PIP5K1A: variants seen among roughly 807,000 people sequenced by gnomAD.
The protein encoded by PIP5K1A is phosphatidylinositol-4-phosphate 5-kinase type 1 alpha, also known as phosphatidylinositol 4-phosphate 5-kinase type-1 alpha.
In PIP5K1A, 46 loss-of-function variants were observed where a neutral mutation model predicts 72.9. The observed-to-expected ratio is 0.63, with a 90% CI of 0.50 to 0.81. The LOEUF is 0.81. Ranked by LOEUF, PIP5K1A falls within the 30% of genes least tolerant of loss-of-function variation. The probability of loss-of-function intolerance (pLI) is 0.00; values close to 1 mark genes in which losing one functional copy is unlikely to be tolerated. For missense variants in PIP5K1A, 458 were observed against 706.1 expected (o/e 0.65, Z 3.98); for synonymous variants, 228 against 255.1 (o/e 0.89, Z 1.01).
chr1:151,232,518 C>T, intron 6 of PIP5K1A, 33 bp from the exon 7 acceptor site: 1 of 1,588,928 alleles, frequency 6.3e-7, no homozygotes, highest in Non-Finnish European at 8.6e-7. Context: ...CCTGATGTGT[C>T]TAAATCTCTT....
At position 151,236,546 on chromosome 1, in the gene PIP5K1A, T is replaced by C. The variant is rs1570969187; in HGVS notation, c.940-12T>C. On this transcript the variant is annotated splice_polypyrimidine_tract_variant and intron_variant, in intron 8 of 15. Coordinates refer to ENST00000368888, the MANE Select transcript of PIP5K1A (RefSeq NM_001135638.2). ...TTCCAAGGCTCAGATCATGTTTTTT[T>C]CCTTCCATTAGGTGCTGCAGAGCTT... 6.5e-7 allele frequency: 1 copy of C among 1,544,792 alleles called. No individual in the cohort carries two copies. Among genetic ancestry groups the C allele is most frequent in the Non-Finnish European group, 8.9e-7 (1 of 1,121,558 alleles).
chr1:151,209,405 G>A (rs1686452121), intron 1 of PIP5K1A, among the ~76,000 whole-genome samples: 1 of 151,388 alleles, frequency 6.6e-6, no homozygotes, highest in African/African-American at 2.4e-5. Flanking sequence ...CTAGTAGCTG[G>A]GATTACAGGC....
intron 7 of PIP5K1A, among the ~76,000 whole-genome samples, chr1:151,233,032 G>T (rs369891613): frequency 2.1e-5 from 3 of 145,062 alleles, no homozygotes; most frequent in African/African-American, 7.7e-5. Flanking sequence ...TCTGGGAGGC[G>T]AAGTTTGCAG....
intron 1 of PIP5K1A, among the ~76,000 whole-genome samples, chr1:151,204,214 T>C (rs1256869042): frequency 8.3e-4 from 127 of 152,168 alleles, no homozygotes; most frequent in Non-Finnish European, 1.8e-4. Flanking sequence ...TTCGCTCTTG[T>C]TGCCCTGGTT....
At chr1:151,203,980 G>C (rs1186695452) in intron 1 of PIP5K1A, among the ~76,000 whole-genome samples, 1 of 152,060 alleles carries the variant, frequency 6.6e-6, no homozygotes, top group Admixed American at 6.6e-5. Flanking sequence ...CTTTACAGCT[G>C]CTTACCTGAC....
chr1:151,233,402 C>G (rs1010548825), intron 7 of PIP5K1A: 2 of 152,222 alleles, frequency 1.3e-5, no homozygotes, highest in Admixed American at 6.5e-5. Flanking sequence ...CTCCCAGGTT[C>G]AAGCAATTCT....
At chr1:151,204,050 C>G (rs587678268) in intron 1 of PIP5K1A, among the ~76,000 whole-genome samples, 12 of 152,106 alleles carry the variant, frequency 7.9e-5, no homozygotes, top group African/African-American at 2.9e-4. Context: ...AGCATTTTTG[C>G]TTGGGACTTT....
chr1:151,238,524 C>A, intron 10 of PIP5K1A: 1 of 444,428 alleles, frequency 2.3e-6, no homozygotes, highest in Non-Finnish European at 4.1e-6. Flanking sequence ...CTTGGAAGCA[C>A]CAGGGTAGAA....
intron 1 of PIP5K1A, among the ~76,000 whole-genome samples, chr1:151,220,520 T>C (rs1352148082): frequency 4.0e-5 from 6 of 151,426 alleles, no homozygotes; most frequent in African/African-American, 1.5e-4. Context: ...CAGGCAGGAG[T>C]GCGATGGTGC....
intron 1 of PIP5K1A, among the ~76,000 whole-genome samples, chr1:151,213,056 A>G (rs1200223431): frequency 6.6e-6 from 1 of 151,266 alleles, no homozygotes; most frequent in Non-Finnish European, 1.5e-5. Context: ...ACGCCCGGCT[A>G]TTTTATTTTT....
intron 11 of PIP5K1A, 27 bp from the exon 12 acceptor site, chr1:151,239,928 C>T (rs751383686): frequency 6.5e-6 from 9 of 1,392,010 alleles, no homozygotes; most frequent in Admixed American, 5.2e-5. Flanking sequence ...GGCCTCCTAA[C>T]TCTATAGCAT....
intron 7 of PIP5K1A, among the ~76,000 whole-genome samples, chr1:151,233,099 CA>C (rs11431839): frequency 0.014 from 1,527 of 107,508 alleles, 12 homozygotes; most frequent in African/African-American, 0.029. Flanking sequence ...GACTCCGTCT[CA>C]AAAAAAAAAA....
intron 10 of PIP5K1A, chr1:151,238,505 GAGTC>G (rs908288406): frequency 2.1e-6 from 1 of 477,830 alleles, no homozygotes; most frequent in African/African-American, 2.0e-5. Context: ...GTGGAAAGCT[GAGTC>G]AGTCCTTGGA....
rs1691846719 is a variant in PIP5K1A, at chr1:151,242,246, C to T, written c.1487C>T (p.Thr496Ile). The T allele has an allele frequency of 6.2e-7, 1 of 1,614,030 alleles. No individual in the cohort carries two copies. Among genetic ancestry groups the T allele is most frequent in the African/African-American group, 1.3e-5 (1 of 74,922 alleles). Residue 496 changes from threonine to isoleucine, a missense_variant, in exon 13 of 16, where the codon ACA becomes ATA. Transcript: ENST00000368888. ...TCTGGGGAACACAAGGCACAAGTGACAACAAAGGCAGAAGTGGAGCCAGGT... is the reference window on the plus strand; with the variant it reads ...TCTGGGGAACACAAGGCACAAGTGATAACAAAGGCAGAAGTGGAGCCAGGT... Reference protein sequence around the residue: ...SVSGEHKAQVTTKAEVEPGVH... With the variant: ...SVSGEHKAQVITKAEVEPGVH...
chr1:151,195,668 T>C (rs1404796779), upstream of PIP5K1A, among the ~76,000 whole-genome samples: 1 of 151,542 alleles, frequency 6.6e-6, no homozygotes, highest in Non-Finnish European at 1.5e-5. Context: ...GGAGAATCGC[T>C]TGAACCCGGG....
At chr1:151,242,069 TG>T in intron 12 of PIP5K1A, 53 bp from the exon 13 acceptor site, 1 of 1,577,578 alleles carries the variant, frequency 6.3e-7, no homozygotes, top group Non-Finnish European at 8.7e-7. Flanking sequence ...ATCTATGTCT[TG>T]GTAATAGTTG....
chr1:151,243,982 A>G (rs1014900502), intron 14 of PIP5K1A, among the ~76,000 whole-genome samples: 1 of 152,120 alleles, frequency 6.6e-6, no homozygotes, highest in African/African-American at 2.4e-5. Flanking sequence ...CTCCGTATCC[A>G]CAGGTTCCAC....
intron 1 of PIP5K1A, among the ~76,000 whole-genome samples, chr1:151,221,156 A>G (rs1335190347): frequency 6.6e-6 from 1 of 152,170 alleles, no homozygotes; most frequent in African/African-American, 2.4e-5. Context: ...TGAGGGCCAA[A>G]TGAGATATAT....
At chr1:151,218,831 C>CAAAAA (rs5777767) in intron 1 of PIP5K1A, among the ~76,000 whole-genome samples, 3 of 70,544 alleles carry the variant, frequency 4.3e-5, no homozygotes, top group Admixed American at 1.8e-4. Context: ...GACTCTGTCT[C>CAAAAA]AAAAAAAAAA....
Sources: gnomAD v4.1 joint callset for allele counts (sites outside exome capture counted in the v4.1 genomes callset) on GRCh38, gnomAD v4.1.1 for gene constraint, MANE v1.5 for transcripts, NCBI Gene and HGNC (gene_info 2026-07-23, HGNC 2026-07-21) for gene names.